RNF144A: variants seen among roughly 807,000 people sequenced by gnomAD.
RNF144A encodes the protein ring finger protein 144A.
RNF144A carries 11 observed loss-of-function variants against 38.7 expected under a neutral mutation model. The observed-to-expected ratio is 0.28, with a 90% CI of 0.18 to 0.47. The LOEUF is 0.47. RNF144A is among the 20% of genes least tolerant of loss of function. The pLI is 0.99. For missense variants in RNF144A, 316 were observed against 377.2 expected (o/e 0.84, Z 1.34); for synonymous variants, 149 against 143.9 (o/e 1.04, Z -0.25).
intron 2 of RNF144A, among the ~76,000 whole-genome samples, chr2:6,995,771 A>G (rs962324366): frequency 6.6e-6 from 1 of 152,154 alleles, no homozygotes; most frequent in African/African-American, 2.4e-5. Context: ...CTCCCAGTCC[A>G]CTGACTCAAA....
At chr2:6,940,190 T>A (rs1387193047) in intron 1 of RNF144A, among the ~76,000 whole-genome samples, 1 of 152,238 alleles carries the variant, frequency 6.6e-6, no homozygotes, top group African/African-American at 2.4e-5. Context: ...CTTAGCAACA[T>A]TGTCTTCCAT....
chr2:6,984,105 C>T (rs1236861156), intron 2 of RNF144A, among the ~76,000 whole-genome samples: 1 of 152,104 alleles, frequency 6.6e-6, no homozygotes, highest in Non-Finnish European at 1.5e-5. Flanking sequence ...CAGTCTCAGC[C>T]CCAGCTCCCT....
chr2:6,996,533 T>TC (rs1209081320), intron 2 of RNF144A, among the ~76,000 whole-genome samples: 1 of 151,972 alleles, frequency 6.6e-6, no homozygotes, highest in Non-Finnish European at 1.5e-5. Context: ...GGTGGGGGGA[T>TC]CATGAGGTCA....
chr2:6,949,277 G>A (rs572354617), intron 2 of RNF144A, among the ~76,000 whole-genome samples: 1 of 152,162 alleles, frequency 6.6e-6, no homozygotes, highest in East Asian at 1.9e-4. Context: ...ACTACAAACA[G>A]GAGGTTTGTA....
At chr2:6,946,186 CAACAG>C (rs1390603205) in intron 2 of RNF144A, among the ~76,000 whole-genome samples, 2 of 152,198 alleles carry the variant, frequency 1.3e-5, no homozygotes, top group Non-Finnish European at 1.5e-5. Context: ...AAAAGCCTAA[CAACAG>C]AACTTCATAG....
chr2:6,990,586 C>T (rs1441932751), intron 2 of RNF144A, among the ~76,000 whole-genome samples: 1 of 149,606 alleles, frequency 6.7e-6, no homozygotes, highest in Non-Finnish European at 1.5e-5. Context: ...CACACACACA[C>T]ACACACACAC....
At chr2:7,018,596 G>A (rs1671301119) in intron 5 of RNF144A, among the ~76,000 whole-genome samples, 3 of 152,218 alleles carry the variant, frequency 2.0e-5, no homozygotes, top group African/African-American at 4.8e-5. Flanking sequence ...CCCCACACAT[G>A]TGACCCACAG....
intron 7 of RNF144A, among the ~76,000 whole-genome samples, chr2:7,028,144 C>T (rs1672046678): frequency 6.6e-6 from 1 of 152,162 alleles, no homozygotes; most frequent in Non-Finnish European, 1.5e-5. Context: ...GTTACTGGCT[C>T]TGGGGGCCAG....
At chr2:6,965,297 C>T (rs1037009615) in intron 2 of RNF144A, among the ~76,000 whole-genome samples, 13 of 152,066 alleles carry the variant, frequency 8.5e-5, no homozygotes, top group South Asian at 4.2e-4. Flanking sequence ...GAGGGTGTGT[C>T]GGAGGCTGTC....
At chr2:6,999,911 G>A (rs1039115385) in intron 3 of RNF144A, among the ~76,000 whole-genome samples, 1 of 152,198 alleles carries the variant, frequency 6.6e-6, no homozygotes, top group African/African-American at 2.4e-5. Context: ...CCGCATCCTT[G>A]TCCACATCCC....
chr2:7,039,346 A>G (rs309305), intron 8 of RNF144A, among the ~76,000 whole-genome samples: 32,832 of 118,796 alleles, frequency 0.28, 4,982 homozygotes, highest in Admixed American at 0.34. Context: ...GGATAGAGAG[A>G]TGTATGATGG....
At chr2:7,052,829 C>T (rs1558466251) in intron 6 of RNF144A, among the ~76,000 whole-genome samples, 2 of 116,326 alleles carry the variant, frequency 1.7e-5, no homozygotes, top group Admixed American at 8.8e-5. Context: ...CACAGGAGCC[C>T]CCCTTTCCAA....
intron 1 of RNF144A, among the ~76,000 whole-genome samples, chr2:6,930,500 T>C (rs1410253790): frequency 6.6e-6 from 1 of 152,000 alleles, no homozygotes; most frequent in Non-Finnish European, 1.5e-5. Flanking sequence ...ACACACATGC[T>C]CACCACACAC....
chr2:7,043,898 G>GTTA lies in RNF144A; in HGVS notation c.*4140_*4142dup. Reference sequence around the variant, plus strand: ...ATGAATGAGTCATGCACATGTATACGTTATGTATTTGACAAGTGGTGGTGA... The same window carrying GTTA: ...ATGAATGAGTCATGCACATGTATACGTTATTATGTATTTGACAAGTGGTGGTGA... On this transcript the variant is annotated 3_prime_UTR_variant, in exon 9 of 9. Coordinates refer to ENST00000320892, the MANE Select transcript of RNF144A (RefSeq NM_014746.6). The GTTA allele has an allele frequency of 1.0e-6, 1 of 985,750 alleles. No homozygotes were observed. The allele number at this position is 985,750 out of a possible 1,614,324, so 61.1% of individuals were successfully genotyped here. A position where few individuals can be genotyped will look rare whatever the true frequency, so the allele number is the denominator to read the frequency against.
intron 8 of RNF144A, among the ~76,000 whole-genome samples, chr2:7,034,946 T>G (rs984487796): frequency 1.3e-5 from 2 of 152,156 alleles, no homozygotes; most frequent in African/African-American, 4.8e-5. Flanking sequence ...CTTAAGTCTG[T>G]ATGGCACTAG....
chr2:7,039,790 C>A lies in RNF144A; in HGVS notation c.*30C>A. On this transcript the variant is annotated 3_prime_UTR_variant, in exon 9 of 9. Transcript: ENST00000320892. ...AGCGCGATGCTGGAACACATCCCTG[C>A]CTCCGGGAAGTGTGGCTCTCCCCCA... The A allele has an allele frequency of 6.2e-7, 1 of 1,608,578 alleles. No homozygotes were observed. The highest frequency in any genetic ancestry group is 1.1e-5 in the South Asian group (1 of 90,766).
At chr2:6,996,175 C>T (rs559178000) in intron 2 of RNF144A, among the ~76,000 whole-genome samples, 1 of 152,306 alleles carries the variant, frequency 6.6e-6, no homozygotes, top group Non-Finnish European at 1.5e-5. Flanking sequence ...AAAACTCAAG[C>T]CTCACCACCC....
chr2:6,983,676 G>C (rs901326926), intron 2 of RNF144A, among the ~76,000 whole-genome samples: 2 of 152,100 alleles, frequency 1.3e-5, no homozygotes, highest in African/African-American at 4.8e-5. Context: ...CCTTGTACCG[G>C]AATCCTCCTG....
At chr2:7,004,799 T>C (rs955734589) in intron 3 of RNF144A, among the ~76,000 whole-genome samples, 3 of 152,224 alleles carry the variant, frequency 2.0e-5, no homozygotes, top group African/African-American at 7.2e-5. Context: ...GCATTTCACA[T>C]ACTGTGTGGC....
Sources: gnomAD v4.1 joint callset for allele counts (sites outside exome capture counted in the v4.1 genomes callset) on GRCh38, gnomAD v4.1.1 for gene constraint, MANE v1.5 for transcripts, NCBI Gene and HGNC (gene_info 2026-07-23, HGNC 2026-07-21) for gene names.